Variants in ZC3H3 observed in about 807,000 individuals in gnomAD.
ZC3H3 encodes zinc finger CCCH domain-containing protein 3.
A neutral mutation model predicts 77.3 loss-of-function variants in ZC3H3; 36 were observed. The ratio of observed to expected loss-of-function variants is 0.47; its 90% CI spans 0.36 to 0.61. The LOEUF is 0.61. ZC3H3 is among the 20% of genes least tolerant of loss of function. ZC3H3 has a pLI of 0.00. For missense variants in ZC3H3, 1,331 were observed against 1,312.2 expected, an observed-to-expected ratio of 1.01 and a Z score of -0.22; for synonymous variants, 626 against 555.2, an observed-to-expected ratio of 1.13 and a Z score of -1.79.
chr8:143,473,453 C>T (rs1163506496), intron 5 of ZC3H3, among the ~76,000 whole-genome samples: 4 of 152,228 alleles, frequency 2.6e-5, no homozygotes, highest in Admixed American at 6.5e-5. Flanking sequence ...GCACTAGGGA[C>T]GTCAGAGGCA....
rs1820230108 is a variant in ZC3H3 at position 143,460,367 on chromosome 8, T to C, written c.2307+5350A>G. 6.6e-6 allele frequency among the ~76,000 whole-genome samples: 1 copy of C among 151,880 alleles called. No individual in the cohort carries two copies. ...CATGATCTTATATGTAAGAAAACCC[T>C]AAAGAATCCACACACAAAAAAAGTT... is the stretch of plus-strand genomic sequence containing the variant. On this transcript the variant is annotated intron_variant, in intron 9 of 11. Coordinates refer to ENST00000262577, the MANE Select transcript of ZC3H3 (RefSeq NM_015117.3). This position sits in a 1 kb window ranked among gnomAD's most constrained non-coding sequence, Gnocchi z 4.0.
intron 11 of ZC3H3, 36 bp downstream of exon 11, chr8:143,440,005 G>A (rs1180293044): frequency 8.9e-6 from 13 of 1,457,544 alleles, no homozygotes; most frequent in African/African-American, 5.8e-5. Flanking sequence ...TTGGTGAGGG[G>A]GGCCCTGGGG....
At chr8:143,508,400 G>A (rs1270456276) in intron 3 of ZC3H3, among the ~76,000 whole-genome samples, 6 of 152,194 alleles carry the variant, frequency 3.9e-5, no homozygotes, top group Non-Finnish European at 5.9e-5. Flanking sequence ...CTCCTCAAGC[G>A]GCACCTCCTC....
At chr8:143,471,356 G>A (rs1306588798) in intron 5 of ZC3H3, among the ~76,000 whole-genome samples, 2 of 152,234 alleles carry the variant, frequency 1.3e-5, no homozygotes, top group African/African-American at 2.4e-5. Flanking sequence ...CAGGGCCTTC[G>A]TCACCCCAGG....
At chr8:143,455,399 A>C (rs1427933715) in intron 9 of ZC3H3, among the ~76,000 whole-genome samples, 5 of 151,710 alleles carry the variant, frequency 3.3e-5, no homozygotes, top group Non-Finnish European at 7.4e-5. Context: ...GGGAGGCTGA[A>C]GCAGGAGAAT....
intron 3 of ZC3H3, among the ~76,000 whole-genome samples, chr8:143,514,173 C>T (rs1024272012): frequency 2.6e-5 from 4 of 152,162 alleles, no homozygotes; most frequent in African/African-American, 4.8e-5. Flanking sequence ...CCATCAGGAG[C>T]GGCTTCCCCG....
At chr8:143,505,841 CA>C (rs2130416220) in intron 4 of ZC3H3, among the ~76,000 whole-genome samples, 1 of 152,348 alleles carries the variant, frequency 6.6e-6, no homozygotes, top group Non-Finnish European at 1.5e-5. Flanking sequence ...CTTGATCCAT[CA>C]AAGGCGATGC....
chr8:143,526,365 T>C (rs1441607070), intron 3 of ZC3H3, among the ~76,000 whole-genome samples: 1 of 152,202 alleles, frequency 6.6e-6, no homozygotes, highest in African/African-American at 2.4e-5. Context: ...ACCAGGTGCC[T>C]GCGGGCAGGA....
intron 4 of ZC3H3, among the ~76,000 whole-genome samples, chr8:143,505,284 T>G (rs1821653450): frequency 6.6e-6 from 1 of 152,192 alleles, no homozygotes; most frequent in Admixed American, 6.5e-5. Context: ...GGCCTGGGCC[T>G]GCCGAGGGAG....
chr8:143,444,241 T>C (rs1819815003), intron 9 of ZC3H3, among the ~76,000 whole-genome samples: 1 of 152,186 alleles, frequency 6.6e-6, no homozygotes, highest in Non-Finnish European at 1.5e-5. Context: ...CCCAAAGTGC[T>C]GGGATTACAG....
Position 143,479,371 on chromosome 8 carries a change from A to G in ZC3H3, c.1716-3786T>C, listed in dbSNP as rs1820843573. On this transcript the variant is annotated intron_variant, in intron 4 of 11. Transcript: ENST00000262577. ...GAAACGAACTGCATTGAGAAGGGGG[A>G]TGAAATTAATGAGATAATAGCAGGG... Among the ~76,000 whole-genome samples the G allele has an allele frequency of 2.0e-5, 3 of 152,090 alleles. No individual in the cohort carries two copies. The South Asian group carries it at 6.2e-4, about 32-fold the overall frequency.
intron 3 of ZC3H3, among the ~76,000 whole-genome samples, chr8:143,528,644 A>T (rs566551822): frequency 6.6e-6 from 1 of 152,216 alleles, no homozygotes; most frequent in South Asian, 2.1e-4. Context: ...TGCACATCTC[A>T]AAGGGGCAGG....
intron 9 of ZC3H3, among the ~76,000 whole-genome samples, chr8:143,457,621 A>G (rs1563838263): frequency 6.6e-6 from 1 of 152,146 alleles, no homozygotes; most frequent in Non-Finnish European, 1.5e-5. Context: ...AGTCTCAGCT[A>G]CTTGGGAGGC....
chr8:143,531,384 G>GC (rs1480882413), intron 3 of ZC3H3, among the ~76,000 whole-genome samples: 1 of 152,160 alleles, frequency 6.6e-6, no homozygotes. Context: ...CCCCTGCCCC[G>GC]CCCCCAGCCG....
chr8:143,459,065 C>T (rs1190982114), intron 9 of ZC3H3, among the ~76,000 whole-genome samples: 2 of 152,098 alleles, frequency 1.3e-5, no homozygotes, highest in Non-Finnish European at 2.9e-5. Context: ...GAAGAATCAA[C>T]ACCAATTCTT....
chr8:143,508,909 G>A (rs1821791533), intron 3 of ZC3H3, among the ~76,000 whole-genome samples: 1 of 152,178 alleles, frequency 6.6e-6, no homozygotes, highest in Non-Finnish European at 1.5e-5. Flanking sequence ...GACAGGACCA[G>A]TAACTGTTAC....
intron 5 of ZC3H3, among the ~76,000 whole-genome samples, chr8:143,471,144 G>A (rs1586896718): frequency 6.6e-6 from 1 of 152,248 alleles, no homozygotes; most frequent in Admixed American, 6.5e-5. Context: ...GATGACCGGG[G>A]CACGCAGGCA....
At chr8:143,539,781 C>G (rs770192545) in intron 1 of ZC3H3, among the ~76,000 whole-genome samples, 5 of 152,298 alleles carry the variant, frequency 3.3e-5, no homozygotes, top group Non-Finnish European at 5.9e-5. Context: ...CTGACACTCT[C>G]GAGGACCCCA....
intron 4 of ZC3H3, among the ~76,000 whole-genome samples, chr8:143,505,349 T>C: frequency 6.6e-6 from 1 of 152,350 alleles, no homozygotes; most frequent in South Asian, 2.1e-4. Flanking sequence ...GCACCGGAGA[T>C]GGCGCATGGG....
Sources: allele counts gnomAD v4.1 joint callset (sites outside exome capture counted in the v4.1 genomes callset), GRCh38; gene constraint gnomAD v4.1.1; non-coding constraint Gnocchi (gnomAD v3.1); transcripts MANE v1.5; gene names NCBI Gene and HGNC (gene_info 2026-07-23, HGNC 2026-07-21).